Variants in PEBP4 observed in about 807,000 individuals in gnomAD.
PEBP4 encodes phosphatidylethanolamine-binding protein 4.
In PEBP4, 22 loss-of-function variants were observed where a neutral mutation model predicts 23.9. That is an observed-to-expected ratio of 0.92 (90% CI 0.66 to 1.31). The LOEUF is 1.31. Among genes scored for constraint, PEBP4 ranks in the 40% most tolerant of loss-of-function variants. The pLI, the probability that PEBP4 is intolerant of heterozygous loss-of-function variation, is 0.00. For missense variants in PEBP4, 324 were observed against 281.7 expected (o/e 1.15, Z -1.07); for synonymous variants, 112 against 99.3 (o/e 1.13, Z -0.76).
chr8:22,817,814 G>T, intron 3 of PEBP4, 79 bp from the exon 4 acceptor site: 1 of 1,353,048 alleles, frequency 7.4e-7, no homozygotes, highest in Non-Finnish European at 1.0e-6. Context: ...TCCTTTTCCC[G>T]CCATTCCAAC....
At chr8:22,914,427 A>G (rs537527644) in intron 3 of PEBP4, among the ~76,000 whole-genome samples, 3 of 151,608 alleles carry the variant, frequency 2.0e-5, no homozygotes, top group Admixed American at 1.3e-4. Context: ...AGCCCCTGCC[A>G]GCACTTAAAC....
chr8:22,938,027 T>C (rs1809562624), intron 1 of PEBP4, among the ~76,000 whole-genome samples: 1 of 152,168 alleles, frequency 6.6e-6, no homozygotes, highest in East Asian at 1.9e-4. Context: ...GGATTTGGCA[T>C]TGATTTACAT....
rs1023750696 is a variant in PEBP4 at position 22,740,802 on chromosome 8, G to A, written c.358-13582C>T. Among the ~76,000 whole-genome samples the A allele has an allele frequency of 6.6e-5, 10 of 152,182 alleles. No homozygotes were observed. The East Asian group carries it at 1.9e-3, about 29-fold the overall frequency. On this transcript the variant is annotated intron_variant, in intron 4 of 6. Coordinates refer to ENST00000256404, the MANE Select transcript of PEBP4 (RefSeq NM_144962.3). ...CTGGGCCAGACCTGAGAAGGAGGGA[G>A]GCACAGCCCTTTCCCTTCACCCCTG...
chr8:22,751,610 CTGTGTGTGTGTGTGTGTCTCTGTGTG>C (rs1425707732), intron 4 of PEBP4, among the ~76,000 whole-genome samples: 4 of 78,944 alleles, frequency 5.1e-5, no homozygotes, highest in African/African-American at 1.5e-4. Context: ...GTGTGTGTGT[CTGTGTGTGTGTGTGTGTCTCTGTGTG>C]TGTGTGTGTG....
chr8:22,918,892 G>A (rs1000460781), intron 3 of PEBP4, among the ~76,000 whole-genome samples: 1 of 151,972 alleles, frequency 6.6e-6, no homozygotes, highest in Admixed American at 6.5e-5. Context: ...GAGGGCTGAC[G>A]CTGTGTGCAC....
chr8:22,884,990 T>C (rs555116914), intron 3 of PEBP4: 2 of 152,216 alleles, frequency 1.3e-5, no homozygotes, highest in Non-Finnish European at 2.9e-5. Flanking sequence ...TACTGTGAGA[T>C]AACTATCAGG....
intron 4 of PEBP4, among the ~76,000 whole-genome samples, chr8:22,774,835 G>A (rs760153358): frequency 1.3e-5 from 2 of 152,090 alleles, no homozygotes; most frequent in Non-Finnish European, 2.9e-5. Flanking sequence ...ATTTCCTTCT[G>A]TTGCCATATG....
At chr8:22,780,105 A>G (rs1283734467) in intron 4 of PEBP4, among the ~76,000 whole-genome samples, 1 of 152,074 alleles carries the variant, frequency 6.6e-6, no homozygotes, top group Non-Finnish European at 1.5e-5. Flanking sequence ...CTGGGACCAC[A>G]GGCACGCACT....
At chr8:22,715,156 G>A (rs2128747422) in intron 6 of PEBP4, among the ~76,000 whole-genome samples, 1 of 152,304 alleles carries the variant, frequency 6.6e-6, no homozygotes, top group South Asian at 2.1e-4. Flanking sequence ...CTCAGATGGG[G>A]CCCAGGGGGG....
chr8:22,933,399 AAG>A (rs1290348562), intron 1 of PEBP4, among the ~76,000 whole-genome samples: 2 of 152,358 alleles, frequency 1.3e-5, no homozygotes, highest in East Asian at 3.9e-4. Context: ...GCCAAAGACA[AAG>A]AGAGAATTTT....
chr8:22,866,712 A>T (rs1191763105), intron 3 of PEBP4, among the ~76,000 whole-genome samples: 1 of 152,166 alleles, frequency 6.6e-6, no homozygotes, highest in African/African-American at 2.4e-5. Flanking sequence ...ACACACAGGA[A>T]AAAAACAGAA....
chr8:22,715,970 G>A (rs543512028), intron 6 of PEBP4, among the ~76,000 whole-genome samples: 124 of 152,256 alleles, frequency 8.1e-4, no homozygotes, highest in African/African-American at 3.0e-3. Context: ...GAGAGTCCGC[G>A]GCCAGGCAGG....
At chr8:22,930,731 T>G (rs935485335), upstream of PEBP4, among the ~76,000 whole-genome samples, 1 of 152,210 alleles carries the variant, frequency 6.6e-6, no homozygotes, top group African/African-American at 2.4e-5. Flanking sequence ...CTCGGGATTT[T>G]TCAAACCTGA....
At chr8:22,853,565 TTAGG>T (rs1190407678) in intron 3 of PEBP4, among the ~76,000 whole-genome samples, 1 of 152,208 alleles carries the variant, frequency 6.6e-6, no homozygotes, top group East Asian at 1.9e-4. Flanking sequence ...CTGATCAGAG[TTAGG>T]TAGGAATAGA....
intron 2 of PEBP4, among the ~76,000 whole-genome samples, chr8:22,923,790 C>T (rs765516370): frequency 1.3e-5 from 2 of 152,112 alleles, no homozygotes; most frequent in African/African-American, 2.4e-5. Context: ...AGGGAGCTGC[C>T]CTTCCCTTCC....
chr8:22,908,745 G>A lies in PEBP4; in HGVS notation c.258+11439C>T, dbSNP rs546636724. On this transcript the variant is annotated intron_variant, in intron 3 of 6. Transcript: ENST00000256404. ...GTATTCGTACTCAGGAAGCCTGAGG[G>A]GAGGGGAAACTGCAGGTGAATATGG... is the stretch of plus-strand genomic sequence containing the variant. 2.6e-5 allele frequency among the ~76,000 whole-genome samples: 4 copies of A among 152,296 alleles called. No individual in the cohort carries two copies. The East Asian group carries it at 7.7e-4, about 29-fold the overall frequency.
intron 4 of PEBP4, among the ~76,000 whole-genome samples, chr8:22,761,741 G>C: frequency 6.6e-6 from 1 of 152,184 alleles, no homozygotes; most frequent in South Asian, 2.1e-4. Flanking sequence ...CAGTAGAGAA[G>C]TCAACAGAGG....
intron 3 of PEBP4, among the ~76,000 whole-genome samples, chr8:22,825,714 A>G (rs1271392406): frequency 1.3e-5 from 2 of 152,204 alleles, no homozygotes; most frequent in East Asian, 1.9e-4. Context: ...TGATCCAGCA[A>G]TCACACTTTG....
rs747964379 is a variant in PEBP4, at chr8:22,724,818, G to A, written c.517+25C>T. On this transcript the variant is annotated intron_variant, in intron 6 of 6. Transcript: ENST00000256404. ...CCACCCCAGAATTCACCCCGGTGGTGGCTGGAAGGATGGGGAGGTCTTACC... is the reference window on the plus strand; with the variant it reads ...CCACCCCAGAATTCACCCCGGTGGTAGCTGGAAGGATGGGGAGGTCTTACC... 5 of 1,565,872 alleles carry A rather than the reference G, an allele frequency of 3.2e-6. No individual in the cohort carries two copies. The African/African-American group carries it at 6.8e-5, about 21-fold the overall frequency.
Sources: gnomAD v4.1 joint callset for allele counts (sites outside exome capture counted in the v4.1 genomes callset) on GRCh38, gnomAD v4.1.1 for gene constraint, MANE v1.5 for transcripts, NCBI Gene and HGNC (gene_info 2026-07-23, HGNC 2026-07-21) for gene names.